Variants in PKIA observed in about 807,000 individuals in gnomAD.
PKIA encodes cAMP-dependent protein kinase inhibitor alpha.
In PKIA, 4 loss-of-function variants were observed where a neutral mutation model predicts 7.6. That is an observed-to-expected ratio of 0.52 (90% CI 0.26 to 1.20). PKIA has a LOEUF of 1.20. Ranked by LOEUF, PKIA falls within the 50% of genes most tolerant of loss-of-function variation. The pLI is 0.13. For synonymous variants in PKIA, 21 were observed against 30.7 expected (o/e 0.68, Z 1.04); for missense variants, 73 against 86.2 (o/e 0.85, Z 0.61).
chr8:78,540,164 G>T (rs189994968), intron 1 of PKIA, among the ~76,000 whole-genome samples: 391 of 151,846 alleles, frequency 2.6e-3, no homozygotes, highest in African/African-American at 9.1e-3. Context: ...GGTGTAACTT[G>T]CTTCCCTACG....
chr8:78,572,324 T>C (rs1289112882), intron 1 of PKIA, among the ~76,000 whole-genome samples: 1 of 151,206 alleles, frequency 6.6e-6, no homozygotes, highest in Non-Finnish European at 1.5e-5. Context: ...TCTGTAAATA[T>C]CCTTCAACAA....
In PKIA at chr8:78,601,926, G is replaced by A. The variant is rs948849552; in HGVS notation, c.*105G>A. The A allele has an allele frequency of 4.6e-6, 4 of 866,882 alleles. No individual in the cohort carries two copies. The highest frequency in any genetic ancestry group is 3.4e-5 in the African/African-American group (2 of 59,082). The allele number at this position is 866,882 out of a possible 1,614,324, so 53.7% of individuals were successfully genotyped here. A position where few individuals can be genotyped will look rare whatever the true frequency, so the allele number is the denominator to read the frequency against. ...TGAAAAGAGGAAAAAGAAAATGGCT[G>A]TGCTGCATTGCAGGAACCTGCTCAT... On this transcript the variant is annotated 3_prime_UTR_variant, in exon 4 of 4. Coordinates refer to ENST00000396418, the MANE Select transcript of PKIA (RefSeq NM_006823.4).
chr8:78,519,986 G>C (rs1284215026), intron 1 of PKIA, among the ~76,000 whole-genome samples: 1 of 151,952 alleles, frequency 6.6e-6, no homozygotes, highest in Non-Finnish European at 1.5e-5. Flanking sequence ...ATTCTATTTT[G>C]GGTTATCCTT....
intron 1 of PKIA, among the ~76,000 whole-genome samples, chr8:78,532,263 A>G (rs1195276725): frequency 2.0e-5 from 3 of 152,070 alleles, no homozygotes; most frequent in Non-Finnish European, 4.4e-5. Context: ...ATAAAATTTT[A>G]CCTTTTATAA....
chr8:78,536,034 C>T (rs1440926714), intron 1 of PKIA: 1 of 152,016 alleles, frequency 6.6e-6, no homozygotes, highest in Non-Finnish European at 1.5e-5. Context: ...ACAGTTTAAT[C>T]TTTTAACCTC....
chr8:78,588,911 G>GAA (rs111735860), intron 2 of PKIA, among the ~76,000 whole-genome samples: 3 of 134,168 alleles, frequency 2.2e-5, no homozygotes, highest in Non-Finnish European at 1.6e-5. Context: ...AAAAAGAAAG[G>GAA]AAAAAAAAAA....
chr8:78,571,693 A>G (rs976520206), intron 1 of PKIA, among the ~76,000 whole-genome samples: 1 of 151,578 alleles, frequency 6.6e-6, no homozygotes, highest in Non-Finnish European at 1.5e-5. Context: ...TTCCAGCTCT[A>G]CTCCTGAGTT....
At chr8:78,561,881 C>G (rs895621440) in intron 1 of PKIA, among the ~76,000 whole-genome samples, 1 of 152,134 alleles carries the variant, frequency 6.6e-6, no homozygotes, top group Non-Finnish European at 1.5e-5. Flanking sequence ...AATAGCTGCT[C>G]TATTATTAAT....
intron 1 of PKIA, among the ~76,000 whole-genome samples, chr8:78,537,530 T>C (rs1806560611): frequency 6.6e-6 from 1 of 152,076 alleles, no homozygotes; most frequent in South Asian, 2.1e-4. Context: ...CACATATTTG[T>C]TTCTATGCGA....
At chr8:78,564,527 G>C (rs934099375) in intron 1 of PKIA, among the ~76,000 whole-genome samples, 4 of 151,802 alleles carry the variant, frequency 2.6e-5, no homozygotes, top group Non-Finnish European at 5.9e-5. Flanking sequence ...ATCTTATTTT[G>C]GTAATGTACT....
At chr8:78,553,252 G>A (rs1227914306) in intron 1 of PKIA, among the ~76,000 whole-genome samples, 4 of 151,854 alleles carry the variant, frequency 2.6e-5, no homozygotes, top group Non-Finnish European at 5.9e-5. Flanking sequence ...TTGATATAAT[G>A]CATAAACACC....
intron 1 of PKIA, among the ~76,000 whole-genome samples, chr8:78,538,930 C>A (rs1806604478): frequency 6.6e-6 from 1 of 152,032 alleles, no homozygotes; most frequent in Non-Finnish European, 1.5e-5. Flanking sequence ...ACATCTGTTT[C>A]TTCCACATCT....
intron 1 of PKIA, among the ~76,000 whole-genome samples, chr8:78,529,104 T>TA (rs993503155): frequency 2.6e-5 from 4 of 152,104 alleles, no homozygotes; most frequent in Non-Finnish European, 5.9e-5. Context: ...TCTGCCCTAT[T>TA]AATAACATAC....
At chr8:78,595,988 A>C (rs1808218050) in intron 2 of PKIA, among the ~76,000 whole-genome samples, 2 of 152,198 alleles carry the variant, frequency 1.3e-5, no homozygotes, top group South Asian at 4.1e-4. Context: ...TCCCATCAGT[A>C]GTGTAAAAGT....
At chr8:78,589,792 CAT>C (rs145625532) in intron 2 of PKIA, among the ~76,000 whole-genome samples, 4,502 of 152,194 alleles carry the variant, frequency 0.03, 165 homozygotes, top group African/African-American at 0.09. Flanking sequence ...TTTGAGTACA[CAT>C]GTTTTTAATA....
Position 78,604,515 on chromosome 8 carries a change from G to A in PKIA, c.*2694G>A, listed in dbSNP as rs2130307684. ...AGAAGGAAACTGAATCCCAGAAGGA[G>A]AAATTGCCGTTCTCAAGGCTCCCTG... On this transcript the variant is annotated 3_prime_UTR_variant, in exon 4 of 4. Transcript: ENST00000396418. 6.6e-6 allele frequency: 1 copy of A among 152,018 alleles called. No homozygotes were observed. Among genetic ancestry groups the A allele is most frequent in the South Asian group, 2.1e-4 (1 of 4,826 alleles). The allele number at this position is 152,018 out of a possible 1,614,324, so 9.4% of individuals were successfully genotyped here.
At position 78,602,694 on chromosome 8, in the gene PKIA, A is replaced by AATATATATATATAT. The variant is rs34597437; in HGVS notation, c.*880_*893dup. The AATATATATATATAT allele has an allele frequency of 3.5e-3, 482 of 136,934 alleles. 5 individuals are homozygous for AATATATATATATAT. Among genetic ancestry groups the AATATATATATATAT allele is most frequent in the African/African-American group, 0.013 (457 of 35,764 alleles). The allele number at this position is 136,934 out of a possible 1,614,324, so 8.5% of individuals were successfully genotyped here. ...CTCAAGTGGAGAACTTCTCCCACAT[A>AATATATATATATAT]ATATATATATATATATATATTTTAA... is the stretch of plus-strand genomic sequence containing the variant. On this transcript the variant is annotated 3_prime_UTR_variant, in exon 4 of 4. Transcript: ENST00000396418.
chr8:78,602,889 TCTC>T lies in PKIA; in HGVS notation c.*1071_*1073del, dbSNP rs1010744209. ...AAGCTGAATCAGGTGGAGAAAGTAATCTCCTTGCAATCATGTGGACACCAATCA... is the reference window on the plus strand; with the variant it reads ...AAGCTGAATCAGGTGGAGAAAGTAATCTTGCAATCATGTGGACACCAATCA... On this transcript the variant is annotated 3_prime_UTR_variant, in exon 4 of 4. Coordinates refer to ENST00000396418, the MANE Select transcript of PKIA (RefSeq NM_006823.4). 4 of 152,230 alleles carry T rather than the reference TCTC, an allele frequency of 2.6e-5. No individual in the cohort carries two copies. The highest frequency in any genetic ancestry group is 1.3e-4 in the Admixed American group (2 of 15,172). The allele number at this position is 152,230 out of a possible 1,614,324, so 9.4% of individuals were successfully genotyped here.
At chr8:78,595,792 G>A (rs1396108321) in intron 2 of PKIA, among the ~76,000 whole-genome samples, 1 of 152,170 alleles carries the variant, frequency 6.6e-6, no homozygotes, top group Non-Finnish European at 1.5e-5. Context: ...CATTTAGGTG[G>A]ATTCTGTGTC....
Sources: gnomAD v4.1 joint callset for allele counts (sites outside exome capture counted in the v4.1 genomes callset) on GRCh38, gnomAD v4.1.1 for gene constraint, MANE v1.5 for transcripts, NCBI Gene and HGNC (gene_info 2026-07-23, HGNC 2026-07-21) for gene names.